Variants in DISC1 observed in about 807,000 individuals in gnomAD.
DISC1 encodes the protein DISC1 scaffold protein.
Under a neutral mutation model 84.5 loss-of-function variants are expected in DISC1, and 57 were observed. The ratio of observed to expected loss-of-function variants is 0.67; its 90% CI spans 0.55 to 0.84. DISC1 has a LOEUF of 0.84. Ranked by LOEUF, DISC1 falls within the 40% of genes least tolerant of loss-of-function variation. The probability of loss-of-function intolerance (pLI) is 0.00; values close to 1 mark genes in which losing one functional copy is unlikely to be tolerated. For synonymous variants in DISC1, 411 were observed against 415.2 expected (o/e 0.99, Z 0.12); for missense variants, 1,000 against 1,057.8 (o/e 0.95, Z 0.76).
intron 1 of DISC1, among the ~76,000 whole-genome samples, chr1:231,640,866 C>T (rs1459701303): frequency 1.3e-5 from 2 of 152,070 alleles, no homozygotes; most frequent in African/African-American, 4.8e-5. Flanking sequence ...TGGTCTGACC[C>T]CTGGATTCTC....
At chr1:231,990,159 A>G (rs191575221) in intron 10 of DISC1, among the ~76,000 whole-genome samples, 150 of 152,160 alleles carry the variant, frequency 9.9e-4, no homozygotes, top group Middle Eastern at 3.4e-3. Flanking sequence ...AGAGAAATGG[A>G]TATTTCTTAG....
At position 232,009,988 on chromosome 1, in the gene DISC1, T is replaced by C. The variant is rs1667884831; in HGVS notation, c.2307+939T>C. Among the ~76,000 whole-genome samples the C allele has an allele frequency of 2.0e-5, 3 of 152,196 alleles. No homozygotes were observed. The South Asian group carries it at 6.2e-4, about 31-fold the overall frequency. ...AATTGCCACCTCCCCAGGCCAGCCC[T>C]GCCAGTCTCACATCCCATCTGCAGG... On this transcript the variant is annotated intron_variant, in intron 11 of 12. Coordinates refer to ENST00000439617, the MANE Select transcript of DISC1 (RefSeq NM_018662.3). This position sits in a 1 kb window ranked among gnomAD's most constrained non-coding sequence, Gnocchi z 4.6.
In DISC1 at chr1:232,008,852, A is replaced by T. The variant is rs821616; in HGVS notation, c.2110A>T (p.Ser704Cys). ...GGAAGCTTGTCGATTGCTTATCCAG[A>T]GCCTACAGCTCCAGGAAGCCAGGGG... ...DLEACRLLIQ[S>C]LQLQEARGSL... The change falls in exon 11 of 13, where the codon AGC becomes TGC. Residue 704 changes from serine to cysteine, a missense_variant. Ser to Cys is a moderately radical substitution (Grantham distance 112). Coordinates refer to ENST00000439617, the MANE Select transcript of DISC1 (RefSeq NM_018662.3). 447,194 of 1,611,814 alleles carry T rather than the reference A, an allele frequency of 0.28. 64,018 individuals carry two copies. The highest frequency in any genetic ancestry group is 0.34 in the African/African-American group (25,123 of 74,716).
In DISC1 at chr1:231,958,884, TG is replaced by T. The variant is rs1659995657; in HGVS notation, c.2039del (p.Cys680SerfsTer37). 2 of 1,613,178 alleles carry T rather than the reference TG, an allele frequency of 1.2e-6. No homozygotes were observed. The highest frequency in any genetic ancestry group is 1.7e-6 in the Non-Finnish European group (2 of 1,179,672). On this transcript the variant is annotated frameshift_variant, in exon 10 of 13. Transcript: ENST00000439617. LOFTEE classifies it high-confidence loss of function. The part of the protein sequence containing the change: ...KYMETLKNKL[C>X]SCKCPLLGKV... ...CATGGAAACACTTAAGAATAAACTG[TG>T]CAGGTAAGGATAATAATTTCTGTAT...
At position 231,942,695 on chromosome 1, in the gene DISC1, A is replaced by C. The variant is rs542138636; in HGVS notation, c.1982-16133A>C. On this transcript the variant is annotated intron_variant, in intron 9 of 12. Transcript: ENST00000439617. ...AAATAAAGTAAAATAAATAAAAAAGAAAAAAAAGAAAACGCCATGGCCAGA... is the reference window on the plus strand; with the variant it reads ...AAATAAAGTAAAATAAATAAAAAAGCAAAAAAAGAAAACGCCATGGCCAGA... 1.3e-3 allele frequency among the ~76,000 whole-genome samples: 192 copies of C among 152,130 alleles called. 1 individual carries two copies. Among genetic ancestry groups the C allele is most frequent in the African/African-American group, 4.0e-3 (164 of 41,510 alleles).
Position 231,795,276 on chromosome 1 carries a change from C to T in DISC1, c.1669C>T (p.Leu557Phe), listed in dbSNP as rs761924360. 5 of 1,613,642 alleles carry T rather than the reference C, an allele frequency of 3.1e-6. No homozygotes were observed. In the Admixed American group the frequency reaches 8.3e-5, roughly 27 times the overall value. The change falls in exon 7 of 13, where the codon CTT (leucine) becomes TTT (phenylalanine). Residue 557 changes from leucine to phenylalanine, a missense_variant. Leu to Phe is a conservative substitution (Grantham distance 22). Coordinates refer to ENST00000439617, the MANE Select transcript of DISC1 (RefSeq NM_018662.3). ...AAGAATAAAATCCCTCAACTTGTCA[C>T]TTAAAGAAATCACTACTAAGGTAAG... ...QERIKSLNLS[L>F]KEITTKVCMS...
At chr1:231,746,915 C>T (rs2074045279) in intron 3 of DISC1, among the ~76,000 whole-genome samples, 1 of 152,044 alleles carries the variant, frequency 6.6e-6, no homozygotes, top group South Asian at 2.1e-4. Flanking sequence ...TGTCTTTTCA[C>T]TCTGTTGATT....
intron 9 of DISC1, among the ~76,000 whole-genome samples, chr1:231,821,234 C>G (rs1303472614): frequency 6.6e-6 from 1 of 152,116 alleles, no homozygotes; most frequent in Non-Finnish European, 1.5e-5. Context: ...AGATCTGGAC[C>G]TTGAATCTTC....
intron 10 of DISC1, among the ~76,000 whole-genome samples, chr1:232,002,623 AC>A (rs1666845063): frequency 1.3e-5 from 2 of 149,878 alleles, no homozygotes; most frequent in Non-Finnish European, 2.9e-5. Context: ...ACACACACAC[AC>A]ACACACACAC....
In DISC1 at chr1:232,009,317, C is replaced by A; in HGVS notation, c.2307+268C>A. 1 of 1,225,092 alleles carries A rather than the reference C, an allele frequency of 8.2e-7. No individual in the cohort carries two copies. Among genetic ancestry groups the A allele is most frequent in the South Asian group, 1.9e-5 (1 of 53,700 alleles). 75.9% of individuals were successfully genotyped at this position (1,225,092 alleles called of 1,614,324 possible). On this transcript the variant is annotated intron_variant, in intron 11 of 12. Coordinates refer to ENST00000439617, the MANE Select transcript of DISC1 (RefSeq NM_018662.3). The surrounding 1 kb of genome is among the most constrained non-coding windows in gnomAD (Gnocchi z 4.6). ...AGTGGCTAGAATTAGAATATGCAGT[C>A]TAATATAGAATTACCATATATAGCA...
At chr1:231,883,189 T>G (rs1412308695) in intron 9 of DISC1, among the ~76,000 whole-genome samples, 1 of 152,158 alleles carries the variant, frequency 6.6e-6, no homozygotes, top group Non-Finnish European at 1.5e-5. Flanking sequence ...AAATGATACT[T>G]AATCTGGGTC....
At chr1:231,816,937 C>G (rs1175916100) in intron 8 of DISC1, among the ~76,000 whole-genome samples, 1 of 151,764 alleles carries the variant, frequency 6.6e-6, no homozygotes, top group Non-Finnish European at 1.5e-5. Context: ...CCCTCCCTCC[C>G]TCTTTCACCT....
chr1:231,809,576 G>A (rs2125697630), intron 8 of DISC1, among the ~76,000 whole-genome samples: 1 of 143,208 alleles, frequency 7.0e-6, no homozygotes, highest in South Asian at 2.2e-4. Flanking sequence ...CATTTATAGA[G>A]AATAAAAACT....
At chr1:231,657,486 T>C (rs1030827545) in intron 1 of DISC1, among the ~76,000 whole-genome samples, 3 of 152,242 alleles carry the variant, frequency 2.0e-5, no homozygotes, top group African/African-American at 7.2e-5. Flanking sequence ...TTTAGTTTAA[T>C]TAGATACCAT....
intron 9 of DISC1, among the ~76,000 whole-genome samples, chr1:231,880,896 G>A (rs1454204693): frequency 6.6e-6 from 1 of 152,138 alleles, no homozygotes; most frequent in East Asian, 1.9e-4. Flanking sequence ...AAAACTTAAC[G>A]TTTCATGATG....
chr1:231,963,680 G>T (rs1660704081), intron 10 of DISC1, among the ~76,000 whole-genome samples: 1 of 152,158 alleles, frequency 6.6e-6, no homozygotes, highest in South Asian at 2.1e-4. Flanking sequence ...TAATGTAGCA[G>T]GACAAGCCGC....
At chr1:231,929,502 C>G (rs1294120300) in intron 9 of DISC1, among the ~76,000 whole-genome samples, 1 of 152,218 alleles carries the variant, frequency 6.6e-6, no homozygotes, top group Non-Finnish European at 1.5e-5. Context: ...TTATTTTTCC[C>G]AGGCTTAATG....
At position 231,776,802 on chromosome 1, in the gene DISC1, G is replaced by A. The variant is rs113054857; in HGVS notation, c.1634+5732G>A. Among the ~76,000 whole-genome samples the A allele has an allele frequency of 5.6e-3, 857 of 152,324 alleles. 7 individuals are homozygous for A. Among genetic ancestry groups the A allele is most frequent in the South Asian group, 0.018 (86 of 4,830 alleles). ...CCTCAGAAACATATCTTATTAGAGT[G>A]AGGAGACAGTGAAACAGCAAGGCCT... On this transcript the variant is annotated intron_variant, in intron 6 of 12. Coordinates refer to ENST00000439617, the MANE Select transcript of DISC1 (RefSeq NM_018662.3).
chr1:231,851,605 A>G (rs1017814661), intron 9 of DISC1, among the ~76,000 whole-genome samples: 16 of 152,160 alleles, frequency 1.1e-4, no homozygotes, highest in Admixed American at 3.3e-4. Context: ...AGGTGTCCCC[A>G]TTTTACAGGT....
Sources: gnomAD v4.1 joint callset for allele counts (sites outside exome capture counted in the v4.1 genomes callset) on GRCh38, gnomAD v4.1.1 for gene constraint, Gnocchi (gnomAD v3.1) non-coding constraint, MANE v1.5 for transcripts, NCBI Gene and HGNC (gene_info 2026-07-23, HGNC 2026-07-21) for gene names.